The following ECT2 variants were observed in gnomAD, a reference collection of about 807,000 sequenced individuals.
The protein encoded by ECT2 is epithelial cell transforming 2, also known as protein ECT2.
ECT2 carries 61 observed loss-of-function variants against 116.9 expected under a neutral mutation model. The ratio of observed to expected loss-of-function variants is 0.52; its 90% confidence interval spans 0.42 to 0.65. ECT2 has a LOEUF of 0.65. Among genes scored for constraint, ECT2 ranks in the 30% least tolerant of loss-of-function variants. ECT2 has a pLI of 0.00. For synonymous variants in ECT2, 358 were observed against 346.4 expected (o/e 1.03, Z -0.37); for missense variants, 937 against 1,078.7 (o/e 0.87, Z 1.84).
chr3:172,809,805 A>G lies in ECT2; in HGVS notation c.2400+1881A>G, dbSNP rs569453012. On this transcript the variant is annotated intron_variant, in intron 22 of 24. Coordinates refer to ENST00000392692, the MANE Select transcript of ECT2 (RefSeq NM_001258315.2). ...TTTCATTTGTCGTGTCCGCTCATTAATGATGTAAGAGTTAAAATTATCAGG... is the reference window on the plus strand; with the variant it reads ...TTTCATTTGTCGTGTCCGCTCATTAGTGATGTAAGAGTTAAAATTATCAGG... Among the ~76,000 whole-genome samples the G allele has an allele frequency of 2.0e-5, 3 of 152,238 alleles. No individual in the cohort carries two copies. In the East Asian group the frequency reaches 5.8e-4, roughly 29 times the overall value.
chr3:172,777,037 A>C (rs1721867098), intron 14 of ECT2, among the ~76,000 whole-genome samples: 1 of 151,870 alleles, frequency 6.6e-6, no homozygotes, highest in Non-Finnish European at 1.5e-5. Context: ...ACACCTGGCT[A>C]ATTTTTGTAT....
chr3:172,763,293 A>G (rs960340347), intron 11 of ECT2, among the ~76,000 whole-genome samples: 4 of 152,232 alleles, frequency 2.6e-5, no homozygotes, highest in African/African-American at 9.6e-5. Context: ...GTGTGCCACA[A>G]CTGAGTAATG....
chr3:172,812,014 T>C lies in ECT2; in HGVS notation c.2401-3590T>C, dbSNP rs557667665. 2.0e-5 allele frequency among the ~76,000 whole-genome samples: 3 copies of C among 151,872 alleles called. No homozygotes were observed. In the East Asian group the frequency reaches 5.8e-4, roughly 29 times the overall value. On this transcript the variant is annotated intron_variant, in intron 22 of 24. Coordinates refer to ENST00000392692, the MANE Select transcript of ECT2 (RefSeq NM_001258315.2). ...TTTTTTTTTTTGGGAGACAAAGTCT[T>C]GCTTCTGTTACGCAGGCTGGAGTGC...
At chr3:172,793,318 C>T (rs1576974844) in intron 18 of ECT2, among the ~76,000 whole-genome samples, 4 of 151,776 alleles carry the variant, frequency 2.6e-5, no homozygotes, top group African/African-American at 9.7e-5. Context: ...GCACGTGCCA[C>T]CACTCCCAGC....
chr3:172,755,893 A>G (rs1407434831), intron 4 of ECT2, among the ~76,000 whole-genome samples: 6 of 152,244 alleles, frequency 3.9e-5, no homozygotes, highest in Non-Finnish European at 8.8e-5. Flanking sequence ...AAAATACCAC[A>G]TAGTTAATTG....
chr3:172,757,388 T>A (rs1463691199), intron 5 of ECT2, among the ~76,000 whole-genome samples: 1 of 151,424 alleles, frequency 6.6e-6, no homozygotes, highest in African/African-American at 2.4e-5. Context: ...ACTGTACATA[T>A]GCATATACAC....
At position 172,807,776 on chromosome 3, in the gene ECT2, A is replaced by G. The variant is rs369446085; in HGVS notation, c.2252A>G (p.His751Arg). The change falls in exon 22 of 25, where the codon CAT (histidine) becomes CGT (arginine). Residue 751 changes from histidine to arginine, a missense_variant. By Grantham distance (29) the His-to-Arg change is conservative (BLOSUM62 0). Coordinates refer to ENST00000392692, the MANE Select transcript of ECT2 (RefSeq NM_001258315.2). ...VLDIRETEDC[H>R]NAFALLVRPP... ...GGTTATTCTGGAACCCTAGATTGCC[A>G]TAATGCTTTTGCCTTGCTTGTGAGG... 9 of 1,612,370 alleles carry G rather than the reference A, an allele frequency of 5.6e-6. No individual in the cohort carries two copies. The highest frequency in any genetic ancestry group is 3.3e-5 in the South Asian group (3 of 90,890).
rs143658664 is a variant in ECT2 at position 172,819,818 on chromosome 3, C to A, written c.2656-330C>A. Among the ~76,000 whole-genome samples the A allele has an allele frequency of 2.5e-3, 383 of 152,116 alleles. 3 individuals are homozygous for A. Among genetic ancestry groups the A allele is most frequent in the African/African-American group, 8.8e-3 (365 of 41,518 alleles). On this transcript the variant is annotated intron_variant, in intron 24 of 24. Transcript: ENST00000392692. ...CTTGTTTGCCAATTTATAATTTTTT[C>A]TTTTATAACCTGAAACACTGAATCA...
intron 18 of ECT2, 57 bp from the exon 19 acceptor site, chr3:172,802,559 T>G: frequency 9.5e-7 from 1 of 1,053,854 alleles, no homozygotes; most frequent in Non-Finnish European, 1.4e-6. Flanking sequence ...ACATGAGTTG[T>G]GTTTGTTGTA....
At chr3:172,787,336 A>G (rs576169657) in intron 18 of ECT2, among the ~76,000 whole-genome samples, 2 of 147,884 alleles carry the variant, frequency 1.4e-5, no homozygotes, top group East Asian at 4.0e-4. Context: ...TTAGCTCTAG[A>G]GAGGGGATTC....
intron 1 of ECT2, among the ~76,000 whole-genome samples, chr3:172,751,422 T>C (rs993198871): frequency 1.3e-5 from 2 of 152,202 alleles, no homozygotes; most frequent in African/African-American, 4.8e-5. Flanking sequence ...CAGTTTGACT[T>C]AGGGGAAGTT....
At chr3:172,800,811 G>A (rs1043118518) in intron 18 of ECT2, among the ~76,000 whole-genome samples, 10 of 151,926 alleles carry the variant, frequency 6.6e-5, no homozygotes, top group African/African-American at 1.9e-4. Flanking sequence ...AAGTGTTGCC[G>A]CCTTATATAT....
intron 20 of ECT2, among the ~76,000 whole-genome samples, chr3:172,804,177 T>C (rs566115634): frequency 6.6e-6 from 1 of 152,282 alleles, no homozygotes; most frequent in Non-Finnish European, 1.5e-5. Flanking sequence ...TATTGCCTTC[T>C]TATATATCAT....
At chr3:172,806,080 A>C in intron 21 of ECT2, 4 of 459,160 alleles carry the variant, frequency 8.7e-6, no homozygotes, top group East Asian at 7.1e-5. Flanking sequence ...GTACTATCTC[A>C]ACCTATAGGA....
At chr3:172,762,359 T>G in intron 8 of ECT2, 57 bp from the exon 9 acceptor site, 1 of 1,504,402 alleles carries the variant, frequency 6.6e-7, no homozygotes, top group Non-Finnish European at 9.0e-7. Flanking sequence ...TAAATTGATA[T>G]ACCTAACACT....
intron 22 of ECT2, among the ~76,000 whole-genome samples, chr3:172,813,998 T>G (rs1458584692): frequency 6.6e-6 from 1 of 152,144 alleles, no homozygotes; most frequent in Non-Finnish European, 1.5e-5. Flanking sequence ...ATTCGTGTTT[T>G]CTGAATTTTT....
chr3:172,806,405 G>T (rs1333155891), intron 21 of ECT2, among the ~76,000 whole-genome samples: 2 of 152,138 alleles, frequency 1.3e-5, no homozygotes, highest in Non-Finnish European at 2.9e-5. Context: ...GTGTTACAGA[G>T]CAGGTTCTCT....
intron 12 of ECT2, among the ~76,000 whole-genome samples, chr3:172,765,611 TCTC>T (rs1266651477): frequency 6.6e-6 from 1 of 152,172 alleles, no homozygotes; most frequent in Non-Finnish European, 1.5e-5. Context: ...ATTGCAGTAG[TCTC>T]CTAAATAGTC....
chr3:172,811,194 T>C (rs1017350858), intron 22 of ECT2, among the ~76,000 whole-genome samples: 3 of 152,026 alleles, frequency 2.0e-5, no homozygotes, highest in Non-Finnish European at 4.4e-5. Context: ...AAGCAGAAAG[T>C]TTTTTGTCTT....
Sources: allele counts gnomAD v4.1 joint callset (sites outside exome capture counted in the v4.1 genomes callset), GRCh38; gene constraint gnomAD v4.1.1; transcripts MANE v1.5; gene names NCBI Gene and HGNC (gene_info 2026-07-23, HGNC 2026-07-21).